The following CAMK1D variants were observed in gnomAD, a reference collection of about 807,000 sequenced individuals.
CAMK1D encodes the protein calcium/calmodulin-dependent protein kinase type 1D.
In CAMK1D, 9 loss-of-function variants were observed where a neutral mutation model predicts 47.7. The observed-to-expected ratio is 0.19, with a 90% CI of 0.11 to 0.33. The LOEUF (loss-of-function observed/expected upper bound fraction) is 0.33. Ranked by LOEUF, CAMK1D falls within the 10% of genes least tolerant of loss-of-function variation. The probability of loss-of-function intolerance (pLI) is 1.00; values close to 1 mark genes in which losing one functional copy is unlikely to be tolerated. For missense variants in CAMK1D, 291 were observed against 488.7 expected, an observed-to-expected ratio of 0.60 and a Z score of 3.81; for synonymous variants, 184 against 184.9, an observed-to-expected ratio of 0.99 and a Z score of 0.04.
At chr10:12,538,735 A>G (rs1444050688) in intron 1 of CAMK1D, among the ~76,000 whole-genome samples, 3 of 152,012 alleles carry the variant, frequency 2.0e-5, no homozygotes, top group Non-Finnish European at 2.9e-5. Context: ...TGTGCAGAAA[A>G]CAAACACACA....
chr10:12,424,468 C>T (rs768778064), intron 1 of CAMK1D, among the ~76,000 whole-genome samples: 3 of 152,094 alleles, frequency 2.0e-5, no homozygotes, highest in East Asian at 3.9e-4. Flanking sequence ...TTTTTAGGAA[C>T]GCCTTCCCTC....
In CAMK1D at chr10:12,692,606, A is replaced by C. The variant is rs1375920977; in HGVS notation, c.299+25796A>C. Among the ~76,000 whole-genome samples, 3 of 152,218 alleles carry C rather than the reference A, an allele frequency of 2.0e-5. No homozygotes were observed. In the South Asian group the frequency reaches 6.2e-4, roughly 31 times the overall value. On this transcript the variant is annotated intron_variant, in intron 3 of 10. Transcript: ENST00000619168. Reference sequence around the variant, plus strand: ...TTGGTAACCTTGACTTCATACAAATAAAAGAAAAAACTTCTTCATAGCCAA... The same window carrying C: ...TTGGTAACCTTGACTTCATACAAATCAAAGAAAAAACTTCTTCATAGCCAA...
chr10:12,699,843 C>A (rs1415967948), intron 3 of CAMK1D, among the ~76,000 whole-genome samples: 1 of 152,116 alleles, frequency 6.6e-6, no homozygotes, highest in African/African-American at 2.4e-5. Flanking sequence ...ACAAGTGTCA[C>A]CATAAATTTG....
intron 1 of CAMK1D, among the ~76,000 whole-genome samples, chr10:12,354,320 G>A (rs1414648214): frequency 1.3e-5 from 2 of 152,046 alleles, no homozygotes; most frequent in African/African-American, 4.8e-5. Flanking sequence ...CCTGTGGACT[G>A]CTTGGACATT....
intron 1 of CAMK1D, among the ~76,000 whole-genome samples, chr10:12,548,926 G>A (rs1180199915): frequency 2.0e-5 from 3 of 152,124 alleles, no homozygotes. Context: ...CGCGATCTCA[G>A]CTCACTGCAA....
chr10:12,604,874 C>T (rs952177707), intron 2 of CAMK1D, among the ~76,000 whole-genome samples: 4 of 151,218 alleles, frequency 2.6e-5, no homozygotes, highest in African/African-American at 9.8e-5. Context: ...AATGCAGATC[C>T]AATGCAATCC....
chr10:12,405,934 G>T (rs1321964786), intron 1 of CAMK1D, among the ~76,000 whole-genome samples: 1 of 152,174 alleles, frequency 6.6e-6, no homozygotes, highest in Admixed American at 6.5e-5. Flanking sequence ...TTATGTGAAG[G>T]TTTTGAAATC....
intron 1 of CAMK1D, among the ~76,000 whole-genome samples, chr10:12,436,740 C>T (rs1046330706): frequency 6.6e-6 from 1 of 152,138 alleles, no homozygotes; most frequent in Admixed American, 6.6e-5. Flanking sequence ...TCCCTGAGAC[C>T]AACGGGTGAT....
At chr10:12,543,626 A>T (rs2815636) in intron 1 of CAMK1D, among the ~76,000 whole-genome samples, 117,972 of 152,150 alleles carry the variant, frequency 0.78, 46,098 homozygotes, top group Middle Eastern at 0.83. Flanking sequence ...CAGGAGAAGG[A>T]TAAAAAACCA....
At chr10:12,407,507 T>C (rs1463324586) in intron 1 of CAMK1D, among the ~76,000 whole-genome samples, 2 of 152,210 alleles carry the variant, frequency 1.3e-5, no homozygotes, top group East Asian at 1.9e-4. Flanking sequence ...TCTCTGACTC[T>C]AGGTCCCTTC....
chr10:12,556,109 G>T (rs890873283), intron 2 of CAMK1D, among the ~76,000 whole-genome samples: 1 of 152,146 alleles, frequency 6.6e-6, no homozygotes, highest in African/African-American at 2.4e-5. Context: ...CTCCAGGGAT[G>T]CGAAGGTGAT....
intron 3 of CAMK1D, among the ~76,000 whole-genome samples, chr10:12,681,359 C>T (rs571880528): frequency 6.0e-4 from 92 of 152,388 alleles, no homozygotes; most frequent in African/African-American, 2.2e-3. Context: ...TTCCAGCCTC[C>T]CCATGATCAC....
At chr10:12,405,245 G>C (rs1038679533) in intron 1 of CAMK1D, among the ~76,000 whole-genome samples, 4 of 152,182 alleles carry the variant, frequency 2.6e-5, no homozygotes, top group African/African-American at 9.7e-5. Flanking sequence ...CTTCAGCCCA[G>C]CCAGCTCATT....
At chr10:12,622,433 C>A (rs1839027163) in intron 2 of CAMK1D, among the ~76,000 whole-genome samples, 1 of 151,790 alleles carries the variant, frequency 6.6e-6, no homozygotes, top group Non-Finnish European at 1.5e-5. Flanking sequence ...AGAAAGTAAA[C>A]TCAGGGGTCT....
chr10:12,709,153 T>C (rs1418449671), intron 3 of CAMK1D, among the ~76,000 whole-genome samples: 1 of 152,198 alleles, frequency 6.6e-6, no homozygotes, highest in Non-Finnish European at 1.5e-5. Context: ...AGAACCTCTT[T>C]GTGGAGGCTC....
At position 12,554,316 on chromosome 10, in the gene CAMK1D, C is replaced by T. The variant is rs1836691842; in HGVS notation, c.224+960C>T. Among the ~76,000 whole-genome samples the T allele has an allele frequency of 1.6e-5, 2 of 126,200 alleles. 1 individual carries two copies. The highest frequency in any genetic ancestry group is 3.7e-5 in the Non-Finnish European group (2 of 53,690). The allele number at this position is 126,200 out of a possible 152,430, so 82.8% of individuals were successfully genotyped here. A position where few individuals can be genotyped will look rare whatever the true frequency, so the allele number is the denominator to read the frequency against. On this transcript the variant is annotated intron_variant, in intron 2 of 10. Transcript: ENST00000619168. ...GATTACAGGCATCTGCCATCATGCCCAGCTAATTTTTGTATTTTTGTAGAG... is the reference window on the plus strand; with the variant it reads ...GATTACAGGCATCTGCCATCATGCCTAGCTAATTTTTGTATTTTTGTAGAG...
chr10:12,762,370 C>A (rs774357031), intron 4 of CAMK1D, among the ~76,000 whole-genome samples: 35 of 152,108 alleles, frequency 2.3e-4, no homozygotes, highest in Non-Finnish European at 4.6e-4. Flanking sequence ...ACAGAGTTTC[C>A]ACACCTGGCT....
At chr10:12,515,434 A>C (rs1189101861) in intron 1 of CAMK1D, among the ~76,000 whole-genome samples, 1 of 35,076 alleles carries the variant, frequency 2.9e-5, no homozygotes, top group Non-Finnish European at 5.9e-5. Flanking sequence ...TTTTTTCATT[A>C]TACTTTAAGT....
intron 1 of CAMK1D, among the ~76,000 whole-genome samples, chr10:12,387,137 G>C (rs1838520480): frequency 6.7e-6 from 1 of 150,032 alleles, no homozygotes; most frequent in Admixed American, 6.7e-5. Flanking sequence ...CCAGGAGGCG[G>C]ATGTTGCAGT....
Sources: allele counts gnomAD v4.1 joint callset (sites outside exome capture counted in the v4.1 genomes callset), GRCh38; gene constraint gnomAD v4.1.1; transcripts MANE v1.5; gene names NCBI Gene and HGNC (gene_info 2026-07-23, HGNC 2026-07-21).